Variants in SCAF8 observed in about 807,000 individuals in gnomAD.
SCAF8 encodes the protein SR-related CTD associated factor 8.
In SCAF8, 23 loss-of-function variants were observed where a neutral mutation model predicts 140.5. The observed-to-expected ratio is 0.16, with a 90% confidence interval of 0.12 to 0.23. The LOEUF is 0.23. SCAF8 is among the 10% of genes least tolerant of loss of function. The probability of loss-of-function intolerance (pLI) is 1.00; values close to 1 mark genes in which losing one functional copy is unlikely to be tolerated. For missense variants in SCAF8, 1,397 were observed against 1,555.7 expected (o/e 0.90, Z 1.72); for synonymous variants, 575 against 528.9 (o/e 1.09, Z -1.20).
chr6:154,815,889 T>C (rs1455672118), intron 13 of SCAF8, 73 bp downstream of exon 13: 17 of 811,418 alleles, frequency 2.1e-5, no homozygotes, highest in Non-Finnish European at 2.5e-5. Flanking sequence ...TCACTTCTGT[T>C]CCTAATTAGC....
At chr6:154,789,455 A>G (rs1777348267) in intron 4 of SCAF8, among the ~76,000 whole-genome samples, 2 of 151,988 alleles carry the variant, frequency 1.3e-5, no homozygotes, top group Admixed American at 1.3e-4. Flanking sequence ...CTATTCTTGA[A>G]TATACTCCTT....
At chr6:154,790,812 T>A (rs1157655010) in intron 4 of SCAF8, among the ~76,000 whole-genome samples, 1 of 152,046 alleles carries the variant, frequency 6.6e-6, no homozygotes, top group African/African-American at 2.4e-5. Context: ...ACCTGGCCTC[T>A]TTTTTCGTAC....
At chr6:154,814,208 C>A (rs999964160) in intron 12 of SCAF8, among the ~76,000 whole-genome samples, 1 of 152,134 alleles carries the variant, frequency 6.6e-6, no homozygotes. Flanking sequence ...ACCTGTAGTC[C>A]CAGTTACTCG....
At chr6:154,798,425 A>G (rs763423663) in intron 6 of SCAF8, among the ~76,000 whole-genome samples, 1 of 151,416 alleles carries the variant, frequency 6.6e-6, no homozygotes, top group African/African-American at 2.4e-5. Context: ...AACCTGCTCC[A>G]CCTGCATCTT....
At chr6:154,779,781 GTATA>G (rs59234248) in intron 3 of SCAF8, among the ~76,000 whole-genome samples, 4,250 of 144,178 alleles carry the variant, frequency 0.029, 87 homozygotes, top group East Asian at 0.078. Context: ...GTGTGTGTGT[GTATA>G]TATATATATA....
In SCAF8 at chr6:154,822,302, C is replaced by G; in HGVS notation, c.1819C>G (p.Pro607Ala). 6.2e-7 allele frequency: 1 copy of G among 1,612,412 alleles called. No homozygotes were observed. Among genetic ancestry groups the G allele is most frequent in the Non-Finnish European group, 8.5e-7 (1 of 1,179,072 alleles). ...GTGGGAAACTGTGAAAAGCTCAGAA[C>G]CTGTTAAAGAGACGGTCCAGACAAC... ...TEWETVKSSEPVKETVQTTQS... is the reference protein window; with the variant it reads ...TEWETVKSSEAVKETVQTTQS... Residue 607 changes from proline to alanine, a missense_variant, in exon 16 of 20, where the codon CCT becomes GCT. This residue lies in a region of SCAF8 where 930 missense variants were observed against 874.6 expected (regional missense o/e 1.06). Transcript: ENST00000367178.
intron 3 of SCAF8, among the ~76,000 whole-genome samples, chr6:154,781,383 A>G (rs766434553): frequency 1.3e-5 from 2 of 152,242 alleles, no homozygotes; most frequent in Non-Finnish European, 2.9e-5. Context: ...ATGGATAGGA[A>G]GAATCAATAT....
At chr6:154,752,014 A>T (rs1778849596) in intron 1 of SCAF8, among the ~76,000 whole-genome samples, 1 of 152,206 alleles carries the variant, frequency 6.6e-6, no homozygotes, top group Non-Finnish European at 1.5e-5. Flanking sequence ...TTTTAAAGAG[A>T]GGAGTGTGGT....
intron 1 of SCAF8, among the ~76,000 whole-genome samples, chr6:154,751,231 ATTTTT>A (rs879266123): frequency 7.0e-6 from 1 of 143,028 alleles, no homozygotes; most frequent in Admixed American, 7.0e-5. Flanking sequence ...TAAAAACCAC[ATTTTT>A]TTTTTTTTTG....
rs77819831 is a variant in SCAF8, at chr6:154,822,424, G to C, written c.1926+15G>C. On this transcript the variant is annotated intron_variant, in intron 16 of 19. Transcript: ENST00000367178. ...CTATGTTGCAGGTTAGTGTTGAAGT[G>C]GGGTTTTTTTTTTCTTGTGTTGTTT... 6.3e-7 allele frequency: 1 copy of C among 1,577,242 alleles called. No individual in the cohort carries two copies. Among genetic ancestry groups the C allele is most frequent in the Non-Finnish European group, 8.6e-7 (1 of 1,167,702 alleles).
chr6:154,824,309 C>T lies in SCAF8; in HGVS notation c.2002C>T (p.Pro668Ser), dbSNP rs768278373. 5.0e-6 allele frequency: 8 copies of T among 1,613,998 alleles called. No homozygotes were observed. Among genetic ancestry groups the T allele is most frequent in the East Asian group, 2.2e-5 (1 of 44,886 alleles). ...TCCTGTGTCGATGCCGGTTCCTCCT[C>T]CTGGATTCAGTCCAATCCCTCCACC... ...AFPVSMPVPP[P>S]GFSPIPPPPF... The change falls in exon 17 of 20, where the codon CCT (proline) becomes TCT (serine). Residue 668 changes from proline (P) to serine (S), a missense_variant. By Grantham distance (74) the Pro-to-Ser change is moderately conservative. Coordinates refer to ENST00000367178, the MANE Select transcript of SCAF8 (RefSeq NM_014892.5).
intron 5 of SCAF8, 70 bp from the exon 6 acceptor site, chr6:154,794,936 GTTA>G: frequency 7.3e-7 from 1 of 1,360,570 alleles, no homozygotes; most frequent in Non-Finnish European, 1.0e-6. Flanking sequence ...AATAAAACAA[GTTA>G]TTCTGCTTTT....
chr6:154,764,072 C>T (rs192436054), intron 1 of SCAF8, among the ~76,000 whole-genome samples: 3 of 151,994 alleles, frequency 2.0e-5, no homozygotes, highest in Non-Finnish European at 2.9e-5. Context: ...TTCCTTAAAC[C>T]TCGAGGAATT....
Position 154,774,887 on chromosome 6 carries a change from G to T in SCAF8, c.114+815G>T, listed in dbSNP as rs1054255145. Among the ~76,000 whole-genome samples, 3 of 151,978 alleles carry T rather than the reference G, an allele frequency of 2.0e-5. No homozygotes were observed. The East Asian group carries it at 5.8e-4, about 29-fold the overall frequency. On this transcript the variant is annotated intron_variant, in intron 2 of 19. Transcript: ENST00000367178. ...CAAGCTCAGCCATAGATTTTTCCCC[G>T]AGAAGTTCTTGTCCCCTAGGCTAAG...
At chr6:154,796,517 T>A (rs1156702743) in intron 6 of SCAF8, among the ~76,000 whole-genome samples, 1 of 152,196 alleles carries the variant, frequency 6.6e-6, no homozygotes, top group Non-Finnish European at 1.5e-5. Flanking sequence ...TTTGCACCTC[T>A]ACTGAGATGG....
intron 1 of SCAF8, among the ~76,000 whole-genome samples, chr6:154,767,895 T>C (rs1157945383): frequency 6.6e-6 from 1 of 152,142 alleles, no homozygotes; most frequent in African/African-American, 2.4e-5. Context: ...TGATAAGTGA[T>C]CCTTTGCTGG....
intron 4 of SCAF8, among the ~76,000 whole-genome samples, chr6:154,790,541 C>T (rs1287766499): frequency 1.2e-4 from 13 of 109,644 alleles, no homozygotes; most frequent in East Asian, 6.7e-4. Context: ...GACGGAGTCT[C>T]GCTCTGTTGC....
chr6:154,750,145 C>T (rs1778803391), intron 1 of SCAF8, among the ~76,000 whole-genome samples: 1 of 151,902 alleles, frequency 6.6e-6, no homozygotes, highest in South Asian at 2.1e-4. Context: ...TTTTTTTTCT[C>T]ACCAAGAATA....
chr6:154,734,274 C>G (rs1374991010), intron 1 of SCAF8, among the ~76,000 whole-genome samples: 1 of 152,230 alleles, frequency 6.6e-6, no homozygotes, highest in Non-Finnish European at 1.5e-5. Flanking sequence ...GGCCCGCCCA[C>G]CTCCTTCCTG....
Sources: allele counts gnomAD v4.1 joint callset (sites outside exome capture counted in the v4.1 genomes callset), GRCh38; gene constraint gnomAD v4.1.1; regional missense constraint gnomAD v4.1.1; transcripts MANE v1.5; gene names NCBI Gene and HGNC (gene_info 2026-07-23, HGNC 2026-07-21).